The following H6PD variants were observed in gnomAD, a reference collection of about 807,000 sequenced individuals.
H6PD encodes hexose-6-phosphate dehydrogenase/glucose 1-dehydrogenase.
Under a neutral mutation model 61.2 loss-of-function variants are expected in H6PD, and 48 were observed. That is an observed-to-expected ratio of 0.78 (90% confidence interval 0.62 to 1.00). H6PD has a LOEUF of 1.00. Among genes scored for constraint, H6PD ranks in the 50% least tolerant of loss-of-function variants. The probability of loss-of-function intolerance (pLI) is 0.00; values close to 1 mark genes in which losing one functional copy is unlikely to be tolerated. For synonymous variants in H6PD, 480 were observed against 457.9 expected (o/e 1.05, Z -0.62); for missense variants, 1,093 against 1,065.0 (o/e 1.03, Z -0.37).
At chr1:9,257,611 C>T (rs1641559261) in intron 3 of H6PD, among the ~76,000 whole-genome samples, 3 of 152,156 alleles carry the variant, frequency 2.0e-5, no homozygotes, top group Admixed American at 2.0e-4. Flanking sequence ...GGGCAGATGC[C>T]ACTCAGATGG....
chr1:9,264,385 C>G lies in H6PD; in HGVS notation c.1892C>G (p.Ser631Cys). The G allele has an allele frequency of 6.2e-7, 1 of 1,613,030 alleles. No homozygotes were observed. The highest frequency in any genetic ancestry group is 1.3e-5 in the African/African-American group (1 of 75,060). Residue 631 changes from serine (S) to cysteine (C), a missense_variant, in exon 5 of 5, where the codon TCC (serine) becomes TGC (cysteine). By Grantham distance (112) the Ser-to-Cys change is moderately radical (BLOSUM62 -1). Transcript: ENST00000377403. ...ERCVPLSDPESNFQGLQAHLL... is the reference protein window; with the variant it reads ...ERCVPLSDPECNFQGLQAHLL... ...TGCGTCCCACTCTCAGACCCGGAGT[C>G]CAACTTCCAGGGCCTGCAGGCCCAC...
In H6PD at chr1:9,270,950, T is replaced by TTTTTTTTTTTTTTG; in HGVS notation, c.*6090_*6091insTTTTGTTTTTTTTT. 1 of 149,876 alleles carries TTTTTTTTTTTTTTG rather than the reference T, an allele frequency of 6.7e-6. No homozygotes were observed. The allele number at this position is 149,876 out of a possible 1,614,324, so 9.3% of individuals were successfully genotyped here. On this transcript the variant is annotated 3_prime_UTR_variant, in exon 5 of 5. Coordinates refer to ENST00000377403, the MANE Select transcript of H6PD (RefSeq NM_004285.4). ...TGAGGCACATTCAGAACAAATGCTT[T>TTTTTTTTTTTTTTG]TTTTTTTTTGAGACAGAGTCTCGCT...
Position 9,264,983 on chromosome 1 carries a change from T to C in H6PD, c.*114T>C, listed in dbSNP as rs1638508455. 2.6e-6 allele frequency: 3 copies of C among 1,157,294 alleles called. No individual in the cohort carries two copies. Among genetic ancestry groups the C allele is most frequent in the Admixed American group, 1.9e-5 (1 of 52,628 alleles). The allele number at this position is 1,157,294 out of a possible 1,614,324, so 71.7% of individuals were successfully genotyped here. On this transcript the variant is annotated 3_prime_UTR_variant, in exon 5 of 5. Transcript: ENST00000377403. ...TGCCCTGGCTCTCCAGAACCTTCTA[T>C]CCCACAGTCAGGCCCCAGAGAGGGC...
Position 9,262,321 on chromosome 1 carries a change from C to A in H6PD, c.1008C>A (p.Thr336=). The A allele has an allele frequency of 6.2e-7, 1 of 1,602,156 alleles. No homozygotes were observed. The highest frequency in any genetic ancestry group is 1.1e-5 in the South Asian group (1 of 89,224). ...ACAGCTTCCACAGCCTGACGCCGAC[C>A]TTCGCAGGTGGGCCCTGGGGCTGGG... The part of the protein sequence containing the change: ...KPDSFHSLTP[T]FAAVLVHIDN... The change falls in exon 4 of 5, where the codon ACC becomes ACA. Residue 336 remains threonine (T), a synonymous_variant. Coordinates refer to ENST00000377403, the MANE Select transcript of H6PD (RefSeq NM_004285.4).
At chr1:9,250,855 G>T (rs563474045) in intron 3 of H6PD, among the ~76,000 whole-genome samples, 1 of 152,176 alleles carries the variant, frequency 6.6e-6, no homozygotes, top group Non-Finnish European at 1.5e-5. Flanking sequence ...CGGCTTCCCC[G>T]GCTCCCTCCC....
chr1:9,261,166 A>G (rs1432634116), intron 3 of H6PD, among the ~76,000 whole-genome samples: 2 of 152,074 alleles, frequency 1.3e-5, no homozygotes, highest in African/African-American at 2.4e-5. Flanking sequence ...TCGATCCCCA[A>G]TATAGGTCAG....
At chr1:9,255,046 A>G (rs1641473304) in intron 3 of H6PD, among the ~76,000 whole-genome samples, 1 of 152,220 alleles carries the variant, frequency 6.6e-6, no homozygotes, top group African/African-American at 2.4e-5. Context: ...TTACTGCTGA[A>G]TAATATCTTA....
intron 3 of H6PD, among the ~76,000 whole-genome samples, chr1:9,248,200 GCCCGCCAC>G (rs1641248083): frequency 6.6e-6 from 1 of 152,234 alleles, no homozygotes; most frequent in Non-Finnish European, 1.5e-5. Context: ...CGCAGTGCGT[GCCCGCCAC>G]AGGGCAGGGC....
chr1:9,251,755 C>T (rs1274045684), intron 3 of H6PD, among the ~76,000 whole-genome samples: 1 of 152,186 alleles, frequency 6.6e-6, no homozygotes, highest in South Asian at 2.1e-4. Flanking sequence ...AGGGCAGCTG[C>T]CGGATCTCCT....
At chr1:9,258,135 G>A (rs986318221) in intron 3 of H6PD, among the ~76,000 whole-genome samples, 27 of 152,374 alleles carry the variant, frequency 1.8e-4, no homozygotes, top group African/African-American at 6.5e-4. Context: ...GCGGGCCGGG[G>A]CTGCTGTCAG....
At position 9,255,275 on chromosome 1, in the gene H6PD, A is replaced by AT. The variant is rs910566305; in HGVS notation, c.746-6781dup. ...TGAGGCCAATAACTCTTATTTATTT[A>AT]TTTATTTTTTATTTTTTATTTTTGG... On this transcript the variant is annotated intron_variant, in intron 3 of 4. Coordinates refer to ENST00000377403, the MANE Select transcript of H6PD (RefSeq NM_004285.4). Among the ~76,000 whole-genome samples the AT allele has an allele frequency of 1.6e-4, 18 of 113,654 alleles. 1 individual carries two copies. Among genetic ancestry groups the AT allele is most frequent in the Admixed American group, 4.6e-4 (5 of 10,876 alleles). 74.6% of individuals were successfully genotyped at this position (113,654 alleles called of 152,430 possible). A position where few individuals can be genotyped will look rare whatever the true frequency, so the allele number is the denominator to read the frequency against.
chr1:9,259,237 C>T (rs185455341), intron 3 of H6PD, among the ~76,000 whole-genome samples: 1 of 152,292 alleles, frequency 6.6e-6, no homozygotes, highest in African/African-American at 2.4e-5. Context: ...ATCCGCCTGC[C>T]TTGGCCTCCC....
rs2097519 is a variant in H6PD, at chr1:9,248,540, G to A, written c.745+1457G>A. 9.8e-3 allele frequency among the ~76,000 whole-genome samples: 1,484 copies of A among 152,204 alleles called. 18 individuals carry two copies. Among genetic ancestry groups the A allele is most frequent in the African/African-American group, 0.034 (1,402 of 41,512 alleles). ...TGGAGCTGGGCGCAGTGGTACACCC[G>A]TAGTCCCAGCTACTCGGGGGCAGAG... On this transcript the variant is annotated intron_variant, in intron 3 of 4. Coordinates refer to ENST00000377403, the MANE Select transcript of H6PD (RefSeq NM_004285.4).
chr1:9,259,688 C>T (rs566558349), intron 3 of H6PD, among the ~76,000 whole-genome samples: 21 of 147,912 alleles, frequency 1.4e-4, no homozygotes, highest in South Asian at 8.7e-4. Context: ...CTCTTAACAC[C>T]GGTGTTATGT....
At chr1:9,248,758 G>T (rs942619080) in intron 3 of H6PD, among the ~76,000 whole-genome samples, 1 of 152,174 alleles carries the variant, frequency 6.6e-6, no homozygotes, top group African/African-American at 2.4e-5. Flanking sequence ...TGCTGGGTTC[G>T]AGAAGGCACT....
chr1:9,262,105 C>G lies in H6PD; in HGVS notation c.792C>G (p.Leu264=). The G allele has an allele frequency of 6.2e-7, 1 of 1,614,216 alleles. No homozygotes were observed. The highest frequency in any genetic ancestry group is 1.3e-5 in the African/African-American group (1 of 75,078). The part of the protein sequence containing the change: ...YEEYGVIRDV[L]QNHLTEVLTL... ...AGTACGGTGTCATTCGCGACGTCCTCCAGAACCATCTGACGGAGGTCCTCA... is the reference window on the plus strand; with the variant it reads ...AGTACGGTGTCATTCGCGACGTCCTGCAGAACCATCTGACGGAGGTCCTCA... Residue 264 remains leucine (L), a synonymous_variant, in exon 4 of 5, where the codon CTC becomes CTG. Coordinates refer to ENST00000377403, the MANE Select transcript of H6PD (RefSeq NM_004285.4).
At position 9,269,048 on chromosome 1, in the gene H6PD, A is replaced by T. The variant is rs546998968; in HGVS notation, c.*4179A>T. On this transcript the variant is annotated 3_prime_UTR_variant, in exon 5 of 5. Coordinates refer to ENST00000377403, the MANE Select transcript of H6PD (RefSeq NM_004285.4). This position sits in a 1 kb window ranked among gnomAD's most constrained non-coding sequence, Gnocchi z 4.3. ...CCTTAGAACTTACTCCACTGATTTA[A>T]AAAAAAAAAACTGCCTGGCAGCATC... The T allele has an allele frequency of 0.21, 29,465 of 143,052 alleles. 2,911 individuals carry two copies. The highest frequency in any genetic ancestry group is 0.25 in the Middle Eastern group (69 of 278). 8.9% of individuals were successfully genotyped at this position (143,052 alleles called of 1,614,324 possible). A position where few individuals can be genotyped will look rare whatever the true frequency, so the allele number is the denominator to read the frequency against.
intron 4 of H6PD, among the ~76,000 whole-genome samples, chr1:9,263,235 C>T (rs994663950): frequency 3.3e-5 from 5 of 152,190 alleles, no homozygotes; most frequent in Non-Finnish European, 2.9e-5. Flanking sequence ...TGCTCTCAGC[C>T]CGGTTCTCCT....
At chr1:9,250,914 C>T (rs1205077319) in intron 3 of H6PD, among the ~76,000 whole-genome samples, 1 of 152,212 alleles carries the variant, frequency 6.6e-6, no homozygotes, top group Non-Finnish European at 1.5e-5. Flanking sequence ...CTGCTGCAGC[C>T]TCTGGCCCAG....
Sources: gnomAD v4.1 joint callset for allele counts (sites outside exome capture counted in the v4.1 genomes callset) on GRCh38, gnomAD v4.1.1 for gene constraint, Gnocchi (gnomAD v3.1) non-coding constraint, MANE v1.5 for transcripts, NCBI Gene and HGNC (gene_info 2026-07-23, HGNC 2026-07-21) for gene names.